ACTR2: variants seen among roughly 807,000 people sequenced by gnomAD.
ACTR2 encodes the protein actin-related protein 2.
Under a neutral mutation model 50.2 loss-of-function variants are expected in ACTR2, and 5 were observed. That is an observed-to-expected ratio of 0.10 (90% CI 0.05 to 0.21). The LOEUF is 0.21. Ranked by LOEUF, ACTR2 falls within the 10% of genes least tolerant of loss-of-function variation. The pLI is 1.00. For missense variants in ACTR2, 180 were observed against 480.6 expected (o/e 0.37, Z 5.85); for synonymous variants, 140 against 162.9 (o/e 0.86, Z 1.07).
chr2:65,268,126 C>T (rs1025953920), intron 8 of ACTR2, among the ~76,000 whole-genome samples: 3 of 151,960 alleles, frequency 2.0e-5, no homozygotes, highest in Admixed American at 6.6e-5. Context: ...TGAGCCACCA[C>T]ACCCAGCCAT....
intron 7 of ACTR2, among the ~76,000 whole-genome samples, chr2:65,264,003 C>T (rs1433770427): frequency 2.0e-5 from 3 of 152,010 alleles, no homozygotes; most frequent in African/African-American, 2.4e-5. Flanking sequence ...TGCAGTGAGC[C>T]GAGATCGCAC....
chr2:65,234,425 C>CT (rs903651119), intron 1 of ACTR2, among the ~76,000 whole-genome samples: 25 of 151,186 alleles, frequency 1.7e-4, no homozygotes, highest in Admixed American at 9.9e-4. Flanking sequence ...AATGAAAAGT[C>CT]TTTTTTTTTG....
chr2:65,269,486 T>C lies in ACTR2; in HGVS notation c.*752T>C, dbSNP rs983526434. The C allele has an allele frequency of 2.0e-5, 3 of 152,226 alleles. No homozygotes were observed. The highest frequency in any genetic ancestry group is 7.2e-5 in the African/African-American group (3 of 41,460). The allele number at this position is 152,226 out of a possible 1,614,324, so 9.4% of individuals were successfully genotyped here. A position where few individuals can be genotyped will look rare whatever the true frequency, so the allele number is the denominator to read the frequency against. On this transcript the variant is annotated 3_prime_UTR_variant, in exon 9 of 9. Coordinates refer to ENST00000260641, the MANE Select transcript of ACTR2 (RefSeq NM_005722.4). Reference sequence around the variant, plus strand: ...AAGCAAGTGTAGTATTCCATTACTATGTGGCTTAGGGATTTATTTGTTTTT... The same window carrying C: ...AAGCAAGTGTAGTATTCCATTACTACGTGGCTTAGGGATTTATTTGTTTTT...
intron 3 of ACTR2, among the ~76,000 whole-genome samples, chr2:65,250,488 C>T (rs919290676): frequency 5.3e-5 from 8 of 151,602 alleles, no homozygotes; most frequent in Admixed American, 5.3e-4. Context: ...GCCTGGCCAA[C>T]ATAGTGAAAC....
chr2:65,250,696 A>G (rs1266161182), intron 3 of ACTR2, among the ~76,000 whole-genome samples: 4 of 150,934 alleles, frequency 2.7e-5, no homozygotes, highest in Non-Finnish European at 5.9e-5. Context: ...AAAAAAAAGA[A>G]TTTCCCTTAA....
chr2:65,235,218 T>C (rs2103983637), intron 1 of ACTR2, among the ~76,000 whole-genome samples: 1 of 152,102 alleles, frequency 6.6e-6, no homozygotes, highest in East Asian at 1.9e-4. Flanking sequence ...ATGTTTTAGT[T>C]TGAAAATACT....
intron 1 of ACTR2, among the ~76,000 whole-genome samples, chr2:65,234,709 C>T (rs1227313602): frequency 1.3e-5 from 2 of 152,196 alleles, no homozygotes; most frequent in East Asian, 1.9e-4. Flanking sequence ...GACCTATGCT[C>T]CATCCCAGGC....
At chr2:65,232,075 T>A (rs565439517) in intron 1 of ACTR2, among the ~76,000 whole-genome samples, 1 of 152,218 alleles carries the variant, frequency 6.6e-6, no homozygotes, top group East Asian at 1.9e-4. Flanking sequence ...ATCCAATAAT[T>A]TATGTGGATT....
At chr2:65,231,556 T>A (rs1671638047) in intron 1 of ACTR2, among the ~76,000 whole-genome samples, 1 of 152,182 alleles carries the variant, frequency 6.6e-6, no homozygotes, top group Non-Finnish European at 1.5e-5. Flanking sequence ...GTAGGCTGGC[T>A]GGGTGTGGTT....
intron 2 of ACTR2, among the ~76,000 whole-genome samples, chr2:65,244,040 T>C (rs1332019079): frequency 1.3e-5 from 2 of 152,202 alleles, no homozygotes; most frequent in African/African-American, 4.8e-5. Flanking sequence ...AAGTTAATAC[T>C]CCATTTTAAA....
intron 8 of ACTR2, among the ~76,000 whole-genome samples, chr2:65,268,286 G>A (rs1672423020): frequency 6.6e-6 from 1 of 152,124 alleles, no homozygotes; most frequent in African/African-American, 2.4e-5. Flanking sequence ...ATCAAATTAG[G>A]ACACTCAAGA....
chr2:65,229,089 A>G (rs1475064488), intron 1 of ACTR2, among the ~76,000 whole-genome samples: 1 of 152,150 alleles, frequency 6.6e-6, no homozygotes, highest in Non-Finnish European at 1.5e-5. Context: ...TCAATTATAA[A>G]AAAAAAAAAT....
chr2:65,257,759 C>A (rs145873192), intron 6 of ACTR2, among the ~76,000 whole-genome samples: 1 of 152,184 alleles, frequency 6.6e-6, no homozygotes, highest in Non-Finnish European at 1.5e-5. Flanking sequence ...AGTGTCTGTT[C>A]GTATCCTTTG....
intron 1 of ACTR2, among the ~76,000 whole-genome samples, chr2:65,232,259 TCAC>T (rs1233583199): frequency 3.3e-5 from 5 of 152,202 alleles, no homozygotes; most frequent in African/African-American, 1.2e-4. Context: ...TTGAGTTAGA[TCAC>T]CAACAAAATG....
At chr2:65,254,764 T>C (rs1179876152) in intron 5 of ACTR2, among the ~76,000 whole-genome samples, 1 of 152,230 alleles carries the variant, frequency 6.6e-6, no homozygotes, top group Non-Finnish European at 1.5e-5. Context: ...TTAAATTGGG[T>C]TGCACTGTCT....
At chr2:65,267,251 C>T (rs1672390222) in intron 8 of ACTR2, among the ~76,000 whole-genome samples, 1 of 152,134 alleles carries the variant, frequency 6.6e-6, no homozygotes, top group Admixed American at 6.6e-5. Flanking sequence ...CACATATTGT[C>T]TGTGGGCACC....
chr2:65,254,373 T>C (rs1249780139), intron 5 of ACTR2, among the ~76,000 whole-genome samples: 1 of 152,190 alleles, frequency 6.6e-6, no homozygotes, highest in African/African-American at 2.4e-5. Context: ...TTTAGTAGTT[T>C]TCATGGAATA....
intron 1 of ACTR2, among the ~76,000 whole-genome samples, chr2:65,234,738 C>A (rs1671708311): frequency 6.6e-6 from 1 of 152,216 alleles, no homozygotes; most frequent in African/African-American, 2.4e-5. Flanking sequence ...CCACCTCCAG[C>A]TTCTCTTACG....
intron 4 of ACTR2, among the ~76,000 whole-genome samples, chr2:65,252,089 G>T (rs1672063149): frequency 6.6e-6 from 1 of 152,084 alleles, no homozygotes; most frequent in Admixed American, 6.6e-5. Flanking sequence ...AGAAAGGCCA[G>T]TATGTGTGTG....
Sources: allele counts gnomAD v4.1 joint callset (sites outside exome capture counted in the v4.1 genomes callset), GRCh38; gene constraint gnomAD v4.1.1; transcripts MANE v1.5; gene names NCBI Gene and HGNC (gene_info 2026-07-23, HGNC 2026-07-21).